SGCZ: variants seen among roughly 807,000 people sequenced by gnomAD.
The protein encoded by SGCZ is zeta-sarcoglycan.
SGCZ carries 40 observed loss-of-function variants against 41.3 expected under a neutral mutation model. That is an observed-to-expected ratio of 0.97 (90% CI 0.75 to 1.26). The LOEUF (loss-of-function observed/expected upper bound fraction) is 1.26. SGCZ is among the 50% of genes most tolerant of loss of function. The pLI is 0.00. For synonymous variants in SGCZ, 206 were observed against 137.5 expected (o/e 1.50, Z -3.49); for missense variants, 552 against 369.8 (o/e 1.49, Z -4.04).
chr8:15,015,699 A>AG lies in SGCZ; in HGVS notation c.39+221885_39+221886insC, dbSNP rs1285719535. 3.3e-3 allele frequency among the ~76,000 whole-genome samples: 481 copies of AG among 145,246 alleles called. 5 individuals are homozygous for AG. The highest frequency in any genetic ancestry group is 8.2e-3 in the African/African-American group (331 of 40,216). ...AGAGACTCCATCTCAAAAAAAAAAA[A>AG]AAAAGAAAAGAAAAAAGAAATATAC... On this transcript the variant is annotated intron_variant, in intron 1 of 7. Transcript: ENST00000382080.
chr8:15,134,605 C>A (rs142876583), intron 1 of SGCZ, among the ~76,000 whole-genome samples: 7 of 152,232 alleles, frequency 4.6e-5, no homozygotes, highest in Non-Finnish European at 7.4e-5. Flanking sequence ...CTCAATGTAG[C>A]ATGTACTCCT....
In SGCZ at chr8:14,327,636, A is replaced by G. The variant is rs144158842; in HGVS notation, c.235-3432T>C. ...AGTTAAGTGTGTTATTACTTATGCT[A>G]TGTGCATCTTTGATTTTGGAGTTTT... On this transcript the variant is annotated intron_variant, in intron 2 of 7. Transcript: ENST00000382080. 1.7e-3 allele frequency among the ~76,000 whole-genome samples: 260 copies of G among 152,258 alleles called. 7 individuals are homozygous for G. In the East Asian group the frequency reaches 0.041, roughly 24 times the overall value.
intron 1 of SGCZ, among the ~76,000 whole-genome samples, chr8:14,736,923 A>G (rs1799052873): frequency 6.6e-6 from 1 of 151,920 alleles, no homozygotes; most frequent in Non-Finnish European, 1.5e-5. Context: ...ATACTTGCAC[A>G]TGCATGTTTA....
chr8:14,892,317 T>C (rs911409077), intron 1 of SGCZ, among the ~76,000 whole-genome samples: 1 of 152,146 alleles, frequency 6.6e-6, no homozygotes, highest in Admixed American at 6.6e-5. Flanking sequence ...CACCTGCTGA[T>C]ATTCCTGTCA....
chr8:14,618,418 G>C (rs753316639), intron 1 of SGCZ, among the ~76,000 whole-genome samples: 2 of 152,120 alleles, frequency 1.3e-5, no homozygotes, highest in Non-Finnish European at 2.9e-5. Flanking sequence ...AAACATTCCA[G>C]TAGCCAGAAA....
chr8:15,236,798 G>C (rs1443921693), intron 1 of SGCZ, among the ~76,000 whole-genome samples: 1 of 152,180 alleles, frequency 6.6e-6, no homozygotes, highest in Non-Finnish European at 1.5e-5. Flanking sequence ...AGAGGGAGAG[G>C]GCGCGGCGCG....
intron 5 of SGCZ, among the ~76,000 whole-genome samples, chr8:14,120,362 T>G (rs1802660767): frequency 6.6e-6 from 1 of 152,082 alleles, no homozygotes; most frequent in Non-Finnish European, 1.5e-5. Flanking sequence ...CAGAAGTAAA[T>G]TTCTCCACCT....
chr8:14,154,624 G>C (rs1803821689), intron 5 of SGCZ, among the ~76,000 whole-genome samples: 1 of 151,988 alleles, frequency 6.6e-6, no homozygotes, highest in Admixed American at 6.6e-5. Context: ...ATATTCTTTG[G>C]GACCTCATTC....
At chr8:14,779,265 G>A (rs540468550) in intron 1 of SGCZ, among the ~76,000 whole-genome samples, 164 of 152,254 alleles carry the variant, frequency 1.1e-3, no homozygotes, top group Non-Finnish European at 2.1e-3. Context: ...CTTTTGGCTT[G>A]GTCTCTTGAT....
intron 1 of SGCZ, among the ~76,000 whole-genome samples, chr8:14,919,946 A>C (rs1230005380): frequency 6.6e-6 from 1 of 152,094 alleles, no homozygotes; most frequent in East Asian, 1.9e-4. Context: ...TGTTTTAAAG[A>C]AAACTATTAG....
At chr8:14,771,490 G>C (rs940176833) in intron 1 of SGCZ, among the ~76,000 whole-genome samples, 22 of 151,994 alleles carry the variant, frequency 1.4e-4, no homozygotes, top group African/African-American at 5.1e-4. Flanking sequence ...TACCATATCA[G>C]TTTTTCAGTT....
In SGCZ at chr8:14,638,299, G is replaced by T. The variant is rs367843190; in HGVS notation, c.40-83373C>A. On this transcript the variant is annotated intron_variant, in intron 1 of 7. Transcript: ENST00000382080. ...CAGTCATTACAACTGCAGAGCAGGG[G>T]TTCAATAAATGCTTTTTGAATGAAT... is the stretch of plus-strand genomic sequence containing the variant. Among the ~76,000 whole-genome samples the T allele has an allele frequency of 3.1e-4, 47 of 151,898 alleles. 1 individual carries two copies. The highest frequency in any genetic ancestry group is 1.5e-3 in the South Asian group (7 of 4,812).
At chr8:14,271,922 G>A (rs947840106) in intron 3 of SGCZ, among the ~76,000 whole-genome samples, 11 of 152,166 alleles carry the variant, frequency 7.2e-5, no homozygotes, top group East Asian at 1.9e-4. Context: ...TACATTTTTC[G>A]TAAATATGGT....
At chr8:15,039,492 T>A (rs959759953) in intron 1 of SGCZ, among the ~76,000 whole-genome samples, 3 of 152,026 alleles carry the variant, frequency 2.0e-5, no homozygotes, top group Non-Finnish European at 4.4e-5. Context: ...GTTGGGAAAA[T>A]CAAAGGATGC....
intron 6 of SGCZ, 146 bp from the exon 7 acceptor site, chr8:14,102,645 T>C (rs1214511000): frequency 1.1e-5 from 8 of 735,226 alleles, no homozygotes; most frequent in Non-Finnish European, 1.5e-5. Flanking sequence ...GTCCTACCAT[T>C]TTAGGCAAAG....
chr8:14,821,702 A>C (rs1563293158), intron 1 of SGCZ, among the ~76,000 whole-genome samples: 2 of 152,080 alleles, frequency 1.3e-5, no homozygotes, highest in African/African-American at 4.8e-5. Context: ...TAATTGAAAC[A>C]AAGACAAACA....
At chr8:14,811,361 T>C (rs1378450322) in intron 1 of SGCZ, among the ~76,000 whole-genome samples, 1 of 151,868 alleles carries the variant, frequency 6.6e-6, no homozygotes, top group Non-Finnish European at 1.5e-5. Flanking sequence ...TGAGCTGTAG[T>C]GCTTTAATAA....
At chr8:15,220,414 G>A (rs1250009681) in intron 1 of SGCZ, among the ~76,000 whole-genome samples, 2 of 152,104 alleles carry the variant, frequency 1.3e-5, no homozygotes, top group South Asian at 2.1e-4. Context: ...AGAAAGTGGA[G>A]ACACAAAGCT....
chr8:14,482,474 A>T (rs184608966), intron 2 of SGCZ, among the ~76,000 whole-genome samples: 1 of 152,164 alleles, frequency 6.6e-6, no homozygotes, highest in Non-Finnish European at 1.5e-5. Context: ...CCGCTCTCAG[A>T]AACAAAATCA....
Sources: gnomAD v4.1 joint callset for allele counts (sites outside exome capture counted in the v4.1 genomes callset) on GRCh38, gnomAD v4.1.1 for gene constraint, MANE v1.5 for transcripts, NCBI Gene and HGNC (gene_info 2026-07-23, HGNC 2026-07-21) for gene names.